The following ZNF607 variants were observed in gnomAD, a reference collection of about 807,000 sequenced individuals.
ZNF607 encodes zinc finger protein 607.
Under a neutral mutation model 12.8 loss-of-function variants are expected in ZNF607, and 5 were observed. The observed-to-expected ratio is 0.39, with a 90% CI of 0.20 to 0.82. The LOEUF (loss-of-function observed/expected upper bound fraction) is 0.82, where lower values mean the gene tolerates loss of function less well. Among genes scored for constraint, ZNF607 ranks in the 40% least tolerant of loss-of-function variants. The pLI, the probability that ZNF607 is intolerant of heterozygous loss-of-function variation, is 0.39. For synonymous variants in ZNF607, 287 were observed against 276.2 expected, an observed-to-expected ratio of 1.04 and a Z score of -0.39; for missense variants, 851 against 859.2, an observed-to-expected ratio of 0.99 and a Z score of 0.12.
chr19:37,699,502 C>T lies in ZNF607; in HGVS notation c.629G>A (p.Arg210His), dbSNP rs373378298. 2.6e-5 allele frequency: 42 copies of T among 1,613,728 alleles called. No individual in the cohort carries two copies. The highest frequency in any genetic ancestry group is 4.5e-5 in the East Asian group (2 of 44,872). ...KECGEAFRTSRQLTVHHRFHY... is the reference protein window; with the variant it reads ...KECGEAFRTSHQLTVHHRFHY... ...AAATCTATGATGTACAGTAAGTTGA[C>T]GGCTAGTCCTAAAAGCTTCCCCACA... The change falls in exon 5 of 5, where the codon CGT becomes CAT. Residue 210 changes from arginine to histidine, a missense_variant. Arg to His is a conservative substitution (Grantham distance 29, BLOSUM62 0). Transcript: ENST00000355202.
At chr19:37,714,908 T>C (rs759459164) in intron 1 of ZNF607, among the ~76,000 whole-genome samples, 4 of 37,362 alleles carry the variant, frequency 1.1e-4, no homozygotes, top group Non-Finnish European at 3.8e-4. Context: ...TGTTTTTCTT[T>C]CTTTCTTTCT....
At chr19:37,708,194 A>C (rs867140499) in intron 3 of ZNF607, among the ~76,000 whole-genome samples, 182 bp from the exon 4 acceptor site, 21 of 151,980 alleles carry the variant, frequency 1.4e-4, no homozygotes, top group African/African-American at 4.8e-4. Flanking sequence ...GTTTTCAAAA[A>C]AAATTTTTTT....
chr19:37,710,075 A>T (rs1314104080), intron 2 of ZNF607, among the ~76,000 whole-genome samples: 2 of 151,998 alleles, frequency 1.3e-5, no homozygotes, highest in Non-Finnish European at 2.9e-5. Context: ...GAATCACTTA[A>T]ACTTGGGAGG....
At position 37,708,076 on chromosome 19, in the gene ZNF607, C is replaced by T. The variant is rs1354593857; in HGVS notation, c.137-64G>A. 3.5e-5 allele frequency: 47 copies of T among 1,336,816 alleles called. No homozygotes were observed. In the South Asian group the frequency reaches 5.4e-4, roughly 15 times the overall value. The allele number at this position is 1,336,816 out of a possible 1,614,324, so 82.8% of individuals were successfully genotyped here. A position where few individuals can be genotyped will look rare whatever the true frequency, so the allele number is the denominator to read the frequency against. On this transcript the variant is annotated intron_variant, in intron 3 of 4. Coordinates refer to ENST00000355202, the MANE Select transcript of ZNF607 (RefSeq NM_032689.5). ...ACTTTGAAGGTAAAATTTAAAATTACAATTGCAATAAATGAAAGGTCAAAG... is the reference window on the plus strand; with the variant it reads ...ACTTTGAAGGTAAAATTTAAAATTATAATTGCAATAAATGAAAGGTCAAAG...
At chr19:37,704,818 A>G (rs575546472) in intron 4 of ZNF607, among the ~76,000 whole-genome samples, 39 of 89,502 alleles carry the variant, frequency 4.4e-4, no homozygotes, top group Non-Finnish European at 9.0e-4. Flanking sequence ...TTAGTCGGGC[A>G]TGGTGGCGGG....
intron 4 of ZNF607, among the ~76,000 whole-genome samples, chr19:37,701,870 G>C (rs1044286620): frequency 6.6e-6 from 1 of 152,076 alleles, no homozygotes; most frequent in East Asian, 1.9e-4. Context: ...TATAACCATG[G>C]GGGGGAGACA....
At chr19:37,714,340 A>ACAACAACAACAGCAG (rs546794308) in intron 1 of ZNF607, among the ~76,000 whole-genome samples, 5 of 148,332 alleles carry the variant, frequency 3.4e-5, no homozygotes, top group Admixed American at 6.8e-5. Context: ...AACAACAACA[A>ACAACAACAACAGCAG]CAGCAGCAGC....
rs1599657904 is a variant in ZNF607, at chr19:37,697,194, C to G, written c.*846G>C. ...GACTGGCGCACTACGTGGTTGAGAA[C>G]AGCAGTCAAAGATAATTGGTTTTTG... On this transcript the variant is annotated 3_prime_UTR_variant, in exon 5 of 5. Transcript: ENST00000355202. The G allele has an allele frequency of 1.4e-6, 1 of 733,034 alleles. No homozygotes were observed. The highest frequency in any genetic ancestry group is 1.8e-5 in the Admixed American group (1 of 55,016). 45.4% of individuals were successfully genotyped at this position (733,034 alleles called of 1,614,324 possible).
chr19:37,703,001 G>A (rs1315017401), intron 4 of ZNF607, among the ~76,000 whole-genome samples: 1 of 150,784 alleles, frequency 6.6e-6, no homozygotes, highest in Non-Finnish European at 1.5e-5. Context: ...TGCCCAGGTT[G>A]GAGTGCAATG....
At chr19:37,715,267 C>A (rs1377920604) in intron 1 of ZNF607, among the ~76,000 whole-genome samples, 1 of 150,514 alleles carries the variant, frequency 6.6e-6, no homozygotes, top group Non-Finnish European at 1.5e-5. Context: ...TCCGAATTTA[C>A]AAATTTCATG....
At chr19:37,714,473 C>T (rs1251165065) in intron 1 of ZNF607, among the ~76,000 whole-genome samples, 1 of 149,298 alleles carries the variant, frequency 6.7e-6, no homozygotes, top group Non-Finnish European at 1.5e-5. Context: ...GCTGAGGCAC[C>T]AGATTCGCTT....
intron 1 of ZNF607, among the ~76,000 whole-genome samples, chr19:37,717,519 G>GC (rs1245165248): frequency 6.6e-6 from 1 of 151,828 alleles, no homozygotes; most frequent in Non-Finnish European, 1.5e-5. Flanking sequence ...GCTGCGGCTG[G>GC]GCGTGGTGGC....
At chr19:37,705,405 G>T (rs2045072917) in intron 4 of ZNF607, among the ~76,000 whole-genome samples, 1 of 152,034 alleles carries the variant, frequency 6.6e-6, no homozygotes. Context: ...AAAACAGTTT[G>T]CCAGGGCCGG....
intron 1 of ZNF607, among the ~76,000 whole-genome samples, chr19:37,714,328 AC>A (rs2045156500): frequency 6.8e-6 from 1 of 148,110 alleles, no homozygotes; most frequent in Non-Finnish European, 1.5e-5. Flanking sequence ...AACAACAACA[AC>A]AACAACAACA....
At chr19:37,718,370 C>T (rs1015595851) in intron 1 of ZNF607, among the ~76,000 whole-genome samples, 1 of 152,158 alleles carries the variant, frequency 6.6e-6, no homozygotes, top group African/African-American at 2.4e-5. Context: ...ATGTTTCCCC[C>T]CTCCAAGGCT....
rs59474620 is a variant in ZNF607 at position 37,698,262 on chromosome 19, C to T, written c.1869G>A (p.Gly623=). The T allele has an allele frequency of 4.2e-5, 67 of 1,614,136 alleles. No homozygotes were observed. In the African/African-American group the frequency reaches 8.8e-4, roughly 21 times the overall value. ...SDKPYECKRC[G]KAFHCASYLV... ...GATATGAGGCACAGTGAAATGCCTT[C>T]CCACATCTTTTACATTCATAGGGTT... Residue 623 remains glycine, a synonymous_variant, in exon 5 of 5, where the codon GGG becomes GGA. Coordinates refer to ENST00000355202, the MANE Select transcript of ZNF607 (RefSeq NM_032689.5).
chr19:37,699,116 A>T lies in ZNF607; in HGVS notation c.1015T>A (p.Cys339Ser), dbSNP rs1398707700. 1 of 1,614,140 alleles carries T rather than the reference A, an allele frequency of 6.2e-7. No homozygotes were observed. The highest frequency in any genetic ancestry group is 1.1e-5 in the South Asian group (1 of 91,082). ...RIYSGEKHYE[C>S]KENGEAFSSG... ...CTAAAAGCCTCCCCATTTTCTTTACATTCATAGTGTTTCTCCCCTGAATAA... is the reference window on the plus strand; with the variant it reads ...CTAAAAGCCTCCCCATTTTCTTTACTTTCATAGTGTTTCTCCCCTGAATAA... Residue 339 changes from cysteine (C) to serine (S), a missense_variant, in exon 5 of 5, where the codon TGT (cysteine) becomes AGT (serine). Coordinates refer to ENST00000355202, the MANE Select transcript of ZNF607 (RefSeq NM_032689.5).
In ZNF607 at chr19:37,709,683, T is replaced by G. The variant is rs748895993; in HGVS notation, c.136+13A>C. ...CTAAATTATTCTAAATCATTCCAGG[T>G]TGATAAACATACCCAATGAGACTAA... On this transcript the variant is annotated intron_variant, in intron 3 of 4. Transcript: ENST00000355202. 1 of 1,611,476 alleles carries G rather than the reference T, an allele frequency of 6.2e-7. No individual in the cohort carries two copies. Among genetic ancestry groups the G allele is most frequent in the Non-Finnish European group, 8.5e-7 (1 of 1,177,908 alleles).
chr19:37,701,586 T>C (rs1265891222), intron 4 of ZNF607, among the ~76,000 whole-genome samples: 4 of 152,182 alleles, frequency 2.6e-5, no homozygotes, highest in Non-Finnish European at 4.4e-5. Flanking sequence ...TTCCCCTCCC[T>C]TGTCCAAATG....
Sources: allele counts gnomAD v4.1 joint callset (sites outside exome capture counted in the v4.1 genomes callset), GRCh38; gene constraint gnomAD v4.1.1; transcripts MANE v1.5; gene names NCBI Gene and HGNC (gene_info 2026-07-23, HGNC 2026-07-21).